The following ANKRD44 variants were observed in gnomAD, a reference collection of about 807,000 sequenced individuals.
ANKRD44 encodes serine/threonine-protein phosphatase 6 regulatory ankyrin repeat subunit B.
Under a neutral mutation model 116.0 loss-of-function variants are expected in ANKRD44, and 35 were observed. The ratio of observed to expected loss-of-function variants is 0.30; its 90% CI spans 0.23 to 0.40. The LOEUF (loss-of-function observed/expected upper bound fraction) is 0.40. Ranked by LOEUF, ANKRD44 falls within the 10% of genes least tolerant of loss-of-function variation. ANKRD44 has a pLI of 1.00. For synonymous variants in ANKRD44, 435 were observed against 461.8 expected, an observed-to-expected ratio of 0.94 and a Z score of 0.74; for missense variants, 1,014 against 1,242.6, an observed-to-expected ratio of 0.82 and a Z score of 2.77.
chr2:196,967,657 C>T (rs201823623), intron 21 of ANKRD44, among the ~76,000 whole-genome samples: 3 of 152,078 alleles, frequency 2.0e-5, no homozygotes, highest in African/African-American at 2.4e-5. Flanking sequence ...TACAAATAAT[C>T]GTATGCAATA....
At chr2:197,155,862 A>G (rs1179400698) in intron 2 of ANKRD44, among the ~76,000 whole-genome samples, 1 of 152,220 alleles carries the variant, frequency 6.6e-6, no homozygotes, top group Non-Finnish European at 1.5e-5. Context: ...ACACACTGGT[A>G]AGAGAATGAA....
At chr2:197,223,941 G>A (rs1232634905) in intron 1 of ANKRD44, among the ~76,000 whole-genome samples, 1 of 151,960 alleles carries the variant, frequency 6.6e-6, no homozygotes, top group African/African-American at 2.4e-5. Context: ...ATAAAAAGAC[G>A]ATTCCACGAA....
chr2:197,010,813 G>A (rs1195436263), intron 18 of ANKRD44, among the ~76,000 whole-genome samples: 1 of 152,220 alleles, frequency 6.6e-6, no homozygotes, highest in African/African-American at 2.4e-5. Flanking sequence ...GCTATGTGAG[G>A]TTGATAAAGG....
chr2:197,110,705 AC>A, intron 9 of ANKRD44, 60 bp downstream of exon 9: 4 of 1,420,028 alleles, frequency 2.8e-6, no homozygotes, highest in Non-Finnish European at 4.0e-6. Flanking sequence ...CAGGTGACTG[AC>A]AGCCAAATTC....
intron 1 of ANKRD44, among the ~76,000 whole-genome samples, chr2:197,238,447 T>C (rs2082020402): frequency 6.6e-6 from 1 of 152,216 alleles, no homozygotes; most frequent in African/African-American, 2.4e-5. Context: ...AAATTGATTG[T>C]TCTCAGGTGA....
chr2:197,182,547 C>A (rs2080534470), intron 2 of ANKRD44, among the ~76,000 whole-genome samples: 1 of 152,178 alleles, frequency 6.6e-6, no homozygotes, highest in East Asian at 1.9e-4. Context: ...GCTGCAAGGA[C>A]TGGACTAGGC....
At chr2:197,035,030 T>G (rs1440050293) in intron 16 of ANKRD44, among the ~76,000 whole-genome samples, 1 of 152,196 alleles carries the variant, frequency 6.6e-6, no homozygotes, top group African/African-American at 2.4e-5. Flanking sequence ...ATTGGAGGAC[T>G]CACATGAACA....
chr2:196,985,854 A>G (rs2075832921), downstream of ANKRD44, among the ~76,000 whole-genome samples: 1 of 152,178 alleles, frequency 6.6e-6, no homozygotes. Context: ...AAAATTTTGG[A>G]TGGTGAGATA....
intron 16 of ANKRD44, among the ~76,000 whole-genome samples, chr2:197,067,539 A>C (rs1264045659): frequency 7.3e-6 from 1 of 137,766 alleles, no homozygotes; most frequent in Non-Finnish European, 1.6e-5. Context: ...CCCCATCAAA[A>C]AGTGGGCGAA....
chr2:196,997,451 T>TA, intron 25 of ANKRD44, among the ~76,000 whole-genome samples: 1 of 44,174 alleles, frequency 2.3e-5, no homozygotes, highest in Non-Finnish European at 4.5e-5. Context: ...ATATAATTTA[T>TA]CTTTTTTTTT....
chr2:197,186,606 ATTTTTCTTTTTTTTTTTT>A (rs2080670502), intron 2 of ANKRD44, among the ~76,000 whole-genome samples: 1 of 81,454 alleles, frequency 1.2e-5, no homozygotes, highest in African/African-American at 4.7e-5. Context: ...TGCCCGGCTA[ATTTTTCTTTTTTTTTTTT>A]TTTTTTTTTT....
chr2:197,161,248 A>G (rs149642766), intron 2 of ANKRD44, among the ~76,000 whole-genome samples: 2 of 152,248 alleles, frequency 1.3e-5, no homozygotes, highest in East Asian at 1.9e-4. Flanking sequence ...GGCATATGGG[A>G]GATGCATCTC....
At chr2:197,072,354 G>A (rs1466601459) in intron 16 of ANKRD44, among the ~76,000 whole-genome samples, 2 of 152,080 alleles carry the variant, frequency 1.3e-5, no homozygotes, top group African/African-American at 4.8e-5. Context: ...TGTATGTGAT[G>A]TCTTTATACC....
At chr2:197,253,293 T>G (rs1040984711) in intron 1 of ANKRD44, among the ~76,000 whole-genome samples, 1 of 152,226 alleles carries the variant, frequency 6.6e-6, no homozygotes, top group African/African-American at 2.4e-5. Context: ...TTTTGAATTC[T>G]TCTCACTGTC....
intron 9 of ANKRD44, among the ~76,000 whole-genome samples, chr2:197,104,511 A>G (rs1358204881): frequency 6.6e-6 from 1 of 152,226 alleles, no homozygotes. Flanking sequence ...GGCTCTGCCC[A>G]TTAGCATTCC....
intron 16 of ANKRD44, among the ~76,000 whole-genome samples, chr2:197,044,440 C>T (rs1341132192): frequency 1.3e-5 from 2 of 152,110 alleles, no homozygotes; most frequent in Non-Finnish European, 2.9e-5. Flanking sequence ...GATCTCGGCT[C>T]ACTGCAACCT....
chr2:197,076,310 A>G (rs1001088827), intron 16 of ANKRD44, among the ~76,000 whole-genome samples: 1 of 152,176 alleles, frequency 6.6e-6, no homozygotes, highest in African/African-American at 2.4e-5. Flanking sequence ...TTGGCATGGC[A>G]ATGTGAAAGT....
intron 2 of ANKRD44, among the ~76,000 whole-genome samples, chr2:197,151,445 AAAAC>A (rs1310543578): frequency 2.0e-5 from 3 of 152,248 alleles, no homozygotes; most frequent in Non-Finnish European, 2.9e-5. Context: ...CTATTTTTGA[AAAAC>A]AAACAAAATT....
At chr2:197,167,028 A>T (rs2125523321) in intron 2 of ANKRD44, among the ~76,000 whole-genome samples, 1 of 152,326 alleles carries the variant, frequency 6.6e-6, no homozygotes, top group Admixed American at 6.5e-5. Flanking sequence ...TATATGTGGT[A>T]TTTTTGTTTA....
Sources: gnomAD v4.1 joint callset for allele counts (sites outside exome capture counted in the v4.1 genomes callset) on GRCh38, gnomAD v4.1.1 for gene constraint, MANE v1.5 for transcripts, NCBI Gene and HGNC (gene_info 2026-07-23, HGNC 2026-07-21) for gene names.